Variants in DNAH11 observed in about 807,000 individuals in gnomAD.
DNAH11 encodes dynein axonemal heavy chain 11.
Under a neutral mutation model 526.0 loss-of-function variants are expected in DNAH11, and 442 were observed. The observed-to-expected ratio is 0.84, with a 90% CI of 0.78 to 0.91. DNAH11 has a LOEUF of 0.91. Ranked by LOEUF, DNAH11 falls within the 40% of genes least tolerant of loss-of-function variation. DNAH11 has a pLI of 0.00. For synonymous variants in DNAH11, 2,461 were observed against 1,935.9 expected (o/e 1.27, Z -7.12); for missense variants, 6,989 against 5,448.7 (o/e 1.28, Z -8.90).
chr7:21,860,923 A>G (rs149515556), intron 68 of DNAH11, among the ~76,000 whole-genome samples: 4 of 152,296 alleles, frequency 2.6e-5, no homozygotes, highest in African/African-American at 9.6e-5. Context: ...TCATAAAACC[A>G]TCAGATCTCA....
intron 62 of DNAH11, among the ~76,000 whole-genome samples, chr7:21,805,998 G>A (rs1276275933): frequency 6.6e-6 from 1 of 152,146 alleles, no homozygotes; most frequent in African/African-American, 2.4e-5. Context: ...CCTGAGCTGA[G>A]CAGCTGTTCA....
At chr7:21,771,859 AAT>A (rs1787450058) in intron 55 of DNAH11, among the ~76,000 whole-genome samples, 2 of 152,130 alleles carry the variant, frequency 1.3e-5, no homozygotes, top group African/African-American at 4.8e-5. Context: ...CACAAAAAAA[AAT>A]AATAAAATAA....
chr7:21,740,846 T>C (rs1785850314), intron 48 of DNAH11, among the ~76,000 whole-genome samples: 1 of 152,234 alleles, frequency 6.6e-6, no homozygotes, highest in Non-Finnish European at 1.5e-5. Context: ...CTACCAATAG[T>C]GCATCAGGGT....
intron 68 of DNAH11, among the ~76,000 whole-genome samples, chr7:21,855,154 C>G (rs1782793741): frequency 6.6e-6 from 1 of 151,588 alleles, no homozygotes. Context: ...GCCTCAGCCT[C>G]CTGAGTAGCT....
intron 61 of DNAH11, among the ~76,000 whole-genome samples, chr7:21,798,457 A>G (rs1317079093): frequency 6.6e-6 from 1 of 152,188 alleles, no homozygotes; most frequent in Non-Finnish European, 1.5e-5. Flanking sequence ...ACCATGTGTG[A>G]TTTGACTGGG....
intron 66 of DNAH11, 60 bp downstream of exon 66, chr7:21,842,808 T>C: frequency 7.2e-7 from 1 of 1,397,376 alleles, no homozygotes; most frequent in Non-Finnish European, 9.7e-7. Context: ...CAAATCACAG[T>C]GCTAGACATA....
intron 31 of DNAH11, among the ~76,000 whole-genome samples, chr7:21,682,834 A>G (rs1366351201): frequency 6.6e-6 from 1 of 152,170 alleles, no homozygotes. Context: ...TTTCATATGA[A>G]CCATAAACAT....
chr7:21,649,229 T>C (rs1787511787), intron 28 of DNAH11, among the ~76,000 whole-genome samples: 1 of 152,222 alleles, frequency 6.6e-6, no homozygotes, highest in African/African-American at 2.4e-5. Flanking sequence ...GAAAACTGTT[T>C]AACAGCATTT....
intron 66 of DNAH11, chr7:21,851,529 GT>G (rs757959012): frequency 5.5e-5 from 26 of 471,192 alleles, no homozygotes; most frequent in Admixed American, 4.9e-4. Flanking sequence ...ATTTAAAATG[GT>G]TACTTTCCCT....
intron 14 of DNAH11, among the ~76,000 whole-genome samples, chr7:21,592,576 G>C (rs923425709): frequency 6.6e-6 from 1 of 152,194 alleles, no homozygotes; most frequent in African/African-American, 2.4e-5. Context: ...GAGACTTTCT[G>C]CTCAAAGGCT....
At chr7:21,638,210 AT>A (rs1786958269) in intron 27 of DNAH11, among the ~76,000 whole-genome samples, 1 of 152,250 alleles carries the variant, frequency 6.6e-6, no homozygotes, top group South Asian at 2.1e-4. Flanking sequence ...TTGATTAAAA[AT>A]GAGCAGATCT....
intron 58 of DNAH11, 112 bp from the exon 59 acceptor site, chr7:21,786,512 G>C (rs886400190): frequency 5.1e-6 from 7 of 1,361,446 alleles, no homozygotes; most frequent in Middle Eastern, 5.5e-4. Flanking sequence ...ATTGAGACTG[G>C]TTTGATAAGG....
intron 38 of DNAH11, among the ~76,000 whole-genome samples, chr7:21,705,168 GTGTT>G (rs1187539859): frequency 1.3e-5 from 2 of 152,202 alleles, no homozygotes; most frequent in Admixed American, 1.3e-4. Flanking sequence ...GCTATGTACA[GTGTT>G]TGTTCAAAAC....
intron 6 of DNAH11, among the ~76,000 whole-genome samples, chr7:21,568,765 A>G (rs1391391696): frequency 2.0e-5 from 3 of 152,220 alleles, no homozygotes; most frequent in African/African-American, 7.2e-5. Context: ...TGAAGCAGAA[A>G]GGGCCACTCG....
intron 42 of DNAH11, among the ~76,000 whole-genome samples, chr7:21,712,816 A>C (rs935335008): frequency 2.6e-5 from 4 of 152,230 alleles, no homozygotes; most frequent in Admixed American, 2.6e-4. Flanking sequence ...AGTTACATTT[A>C]AGGCTAACTA....
At chr7:21,728,298 C>T (rs1488572284) in intron 45 of DNAH11, among the ~76,000 whole-genome samples, 3 of 117,316 alleles carry the variant, frequency 2.6e-5, no homozygotes, top group African/African-American at 3.5e-5. Flanking sequence ...TACTCTGTTG[C>T]CCAGGCTGGA....
intron 61 of DNAH11, among the ~76,000 whole-genome samples, chr7:21,796,649 C>A (rs1788727184): frequency 6.6e-6 from 1 of 152,120 alleles, no homozygotes; most frequent in African/African-American, 2.4e-5. Flanking sequence ...GTAAAGAGGC[C>A]AGATACCACA....
intron 20 of DNAH11, among the ~76,000 whole-genome samples, chr7:21,608,490 C>T (rs993508096): frequency 6.6e-6 from 1 of 152,164 alleles, no homozygotes; most frequent in African/African-American, 2.4e-5. Flanking sequence ...AGAGCCCTTA[C>T]CTCTCTTTCC....
intron 26 of DNAH11, among the ~76,000 whole-genome samples, 170 bp from the exon 27 acceptor site, chr7:21,637,441 T>C (rs568133486): frequency 1.3e-5 from 2 of 152,362 alleles, no homozygotes; most frequent in African/African-American, 4.8e-5. Flanking sequence ...TTGATCTTCA[T>C]CTAAGAGTTG....
Sources: gnomAD v4.1 joint callset for allele counts (sites outside exome capture counted in the v4.1 genomes callset) on GRCh38, gnomAD v4.1.1 for gene constraint, MANE v1.5 for transcripts, NCBI Gene and HGNC (gene_info 2026-07-23, HGNC 2026-07-21) for gene names.